The following PCDHGB6 variants were observed in gnomAD, a reference collection of about 807,000 sequenced individuals.
The protein encoded by PCDHGB6 is protocadherin gamma subfamily B, 6, also known as protocadherin gamma-B6.
PCDHGB6 carries 51 observed loss-of-function variants against 59.1 expected under a neutral mutation model. The observed-to-expected ratio is 0.86, with a 90% CI of 0.69 to 1.09. The LOEUF (loss-of-function observed/expected upper bound fraction) is 1.09. PCDHGB6 is among the 50% of genes least tolerant of loss of function. The pLI, the probability that PCDHGB6 is intolerant of heterozygous loss-of-function variation, is 0.00. For missense variants in PCDHGB6, 1,148 were observed against 1,205.1 expected (o/e 0.95, Z 0.70); for synonymous variants, 466 against 495.1 (o/e 0.94, Z 0.78).
chr5:141,417,230 T>C (rs2096097492), intron 1 of PCDHGB6: 1 of 152,210 alleles, frequency 6.6e-6, no homozygotes, highest in Non-Finnish European at 1.5e-5. Context: ...AAAAAATTTG[T>C]TGCTTATCTT....
At chr5:141,420,887 G>C (rs2096530920) in intron 1 of PCDHGB6, among the ~76,000 whole-genome samples, 1 of 152,204 alleles carries the variant, frequency 6.6e-6, no homozygotes, top group African/African-American at 2.4e-5. Context: ...GTGTATCATC[G>C]TTTTTAAGCT....
Position 141,410,039 on chromosome 5 carries a change from G to A in PCDHGB6, c.1837G>A (p.Glu613Lys), listed in dbSNP as rs1413013254. 1.2e-6 allele frequency: 2 copies of A among 1,613,264 alleles called. No homozygotes were observed. Among genetic ancestry groups the A allele is most frequent in the South Asian group, 1.1e-5 (1 of 91,070 alleles). Residue 613 changes from glutamate to lysine, a missense_variant, in exon 1 of 4, where the codon GAG becomes AAG. Glu to Lys is a moderately conservative substitution (Grantham distance 56, BLOSUM62 1). Around this residue, in one of 5 missense-constraint regions of PCDHGB6, gnomAD observed 549 missense variants for 527.5 expected, o/e 1.04. Coordinates refer to ENST00000520790, the MANE Select transcript of PCDHGB6 (RefSeq NM_018926.3). ...WLSYHVLQAS[E>K]PGLFSLGLRT... ...GTCCTACCACGTGCTGCAGGCCAGT[G>A]AGCCCGGACTCTTCAGCCTGGGGCT...
At position 141,486,622 on chromosome 5, in the gene PCDHGB6, C is replaced by T. The variant is rs1320329216; in HGVS notation, c.2419-8185C>T. On this transcript the variant is annotated intron_variant, in intron 1 of 3. Coordinates refer to ENST00000520790, the MANE Select transcript of PCDHGB6 (RefSeq NM_018926.3). The surrounding 1 kb of genome is among the most constrained non-coding windows in gnomAD (Gnocchi z 5.0). ...GCTCCCTTGCAGCCTCTGACCCAGACTCTGGCTTGAATGCGCTTATCTCCT... is the reference window on the plus strand; with the variant it reads ...GCTCCCTTGCAGCCTCTGACCCAGATTCTGGCTTGAATGCGCTTATCTCCT... 6.2e-7 allele frequency: 1 copy of T among 1,613,574 alleles called. No individual in the cohort carries two copies. The highest frequency in any genetic ancestry group is 8.5e-7 in the Non-Finnish European group (1 of 1,180,042).
In PCDHGB6 at chr5:141,431,616, A is replaced by G. The variant is rs776151297; in HGVS notation, c.2418+20996A>G. 1 of 1,614,250 alleles carries G rather than the reference A, an allele frequency of 6.2e-7. No individual in the cohort carries two copies. Among genetic ancestry groups the G allele is most frequent in the Non-Finnish European group, 8.5e-7 (1 of 1,180,042 alleles). ...AGGTATTCCTTCCGGTATGTGGACG[A>G]CAAGGCGGCCCAAGTTTTCAAACTA... On this transcript the variant is annotated intron_variant, in intron 1 of 3. Transcript: ENST00000520790. This position sits in a 1 kb window ranked among gnomAD's most constrained non-coding sequence, Gnocchi z 4.8.
rs1223986597 is a variant in PCDHGB6, at chr5:141,417,300, A to G, written c.2418+6680A>G. The G allele has an allele frequency of 2.0e-5, 3 of 152,440 alleles. No homozygotes were observed. In the East Asian group the frequency reaches 5.8e-4, roughly 29 times the overall value. The allele number at this position is 152,440 out of a possible 1,614,324, so 9.4% of individuals were successfully genotyped here. ...AAGGAACAAGAATGACTGCCTCTGG[A>G]TGGAGGAATTGGATAGCAATGGGCC... On this transcript the variant is annotated intron_variant, in intron 1 of 3. Coordinates refer to ENST00000520790, the MANE Select transcript of PCDHGB6 (RefSeq NM_018926.3).
intron 1 of PCDHGB6, chr5:141,478,068 A>G (rs560968418): frequency 3.7e-6 from 6 of 1,614,134 alleles, no homozygotes; most frequent in East Asian, 4.5e-5. Flanking sequence ...ATCAAAGACA[A>G]TGGGGAGCCT....
chr5:141,468,463 T>G (rs574151637), intron 1 of PCDHGB6: 6 of 152,282 alleles, frequency 3.9e-5, no homozygotes, highest in African/African-American at 1.4e-4. Flanking sequence ...AGCAAGTTAT[T>G]TCTGAGGAGA....
In PCDHGB6 at chr5:141,490,795, C is replaced by A; in HGVS notation, c.2419-4012C>A. The A allele has an allele frequency of 1.3e-5, 21 of 1,614,036 alleles. No homozygotes were observed. Among genetic ancestry groups the A allele is most frequent in the Non-Finnish European group, 1.8e-5 (21 of 1,179,922 alleles). On this transcript the variant is annotated intron_variant, in intron 1 of 3. Coordinates refer to ENST00000520790, the MANE Select transcript of PCDHGB6 (RefSeq NM_018926.3). This position sits in a 1 kb window ranked among gnomAD's most constrained non-coding sequence, Gnocchi z 5.4. ...CCCAGAGGATGGACGGATCTTTGCC[C>A]AGCGTACCTTTGACTATGAATTGCT...
Position 141,436,047 on chromosome 5 carries a change from T to G in PCDHGB6, c.2418+25427T>G, listed in dbSNP as rs141900903. On this transcript the variant is annotated intron_variant, in intron 1 of 3. Transcript: ENST00000520790. ...ATACTAAATTTGTATTTACATTAGT[T>G]TTCAAATAGAATTTAATAAGTACAG... is the stretch of plus-strand genomic sequence containing the variant. Among the ~76,000 whole-genome samples the G allele has an allele frequency of 1.0e-2, 1,517 of 152,280 alleles. 31 individuals carry two copies. The highest frequency in any genetic ancestry group is 0.034 in the African/African-American group (1,420 of 41,552).
chr5:141,423,957 T>G, intron 1 of PCDHGB6: 1 of 1,183,084 alleles, frequency 8.5e-7, no homozygotes, highest in Non-Finnish European at 1.1e-6. Context: ...TTTAGTATTA[T>G]TTTTCTATTA....
chr5:141,415,322 T>G (rs1226384298), intron 1 of PCDHGB6: 2 of 1,614,104 alleles, frequency 1.2e-6, no homozygotes, highest in South Asian at 2.2e-5. Flanking sequence ...ATCGTGCTGC[T>G]GGCGCACAGG....
At chr5:141,418,095 C>A (rs1246996867) in intron 1 of PCDHGB6, 1 of 1,614,006 alleles carries the variant, frequency 6.2e-7, no homozygotes, top group Middle Eastern at 1.7e-4. Context: ...AGCGTAGACG[C>A]GCAGAGCGGG....
Position 141,409,996 on chromosome 5 carries a change from G to A in PCDHGB6, c.1794G>A (p.Ser598=), listed in dbSNP as rs1561724976. 6.2e-7 allele frequency: 1 copy of A among 1,613,132 alleles called. No homozygotes were observed. The highest frequency in any genetic ancestry group is 8.5e-7 in the Non-Finnish European group (1 of 1,179,780). The change falls in exon 1 of 4, where the codon TCG becomes TCA. Residue 598 remains serine (S), a synonymous_variant. Transcript: ENST00000520790. ...VTKVVAVDAD[S]GHNAWLSYHV... ...AGGTGGTAGCGGTGGACGCCGACTC[G>A]GGACACAACGCCTGGCTGTCCTACC...
At chr5:141,414,446 T>C in intron 1 of PCDHGB6, 1 of 1,613,864 alleles carries the variant, frequency 6.2e-7, no homozygotes, top group Non-Finnish European at 8.5e-7. Flanking sequence ...TCTTACAATA[T>C]CACAGTGACA....
chr5:141,505,342 T>C (rs2099845433), intron 2 of PCDHGB6, 51 bp from the exon 3 acceptor site: 1 of 1,612,738 alleles, frequency 6.2e-7, no homozygotes, highest in African/African-American at 1.3e-5. Flanking sequence ...AGGAGGGGCA[T>C]GAGCTGTGCC....
intron 1 of PCDHGB6, chr5:141,419,646 C>T (rs1433992932): frequency 6.2e-7 from 1 of 1,612,470 alleles, no homozygotes; most frequent in Admixed American, 1.7e-5. Flanking sequence ...GCCGTGGACG[C>T]GGACTCGGGG....
rs1027897777 is a variant in PCDHGB6, at chr5:141,510,812, C to T, written c.2567-135C>T. 151 of 1,531,674 alleles carry T rather than the reference C, an allele frequency of 9.9e-5. 1 individual carries two copies. The highest frequency in any genetic ancestry group is 2.5e-5 in the South Asian group (2 of 80,152). 94.9% of individuals were successfully genotyped at this position (1,531,674 alleles called of 1,614,324 possible). A position where few individuals can be genotyped will look rare whatever the true frequency, so the allele number is the denominator to read the frequency against. On this transcript the variant is annotated intron_variant, in intron 3 of 3. Coordinates refer to ENST00000520790, the MANE Select transcript of PCDHGB6 (RefSeq NM_018926.3). ...TGTGAAGAGAGACTACCTTGGTGAC[C>T]CCTATATTCCCAGTGCTCAGCGTGG...
intron 1 of PCDHGB6, chr5:141,422,545 T>C: frequency 6.2e-7 from 1 of 1,614,000 alleles, no homozygotes; most frequent in Non-Finnish European, 8.5e-7. Context: ...AACTCATGTC[T>C]GGCTGAATGT....
At chr5:141,471,963 T>C (rs2024084) in intron 1 of PCDHGB6, among the ~76,000 whole-genome samples, 27,680 of 152,068 alleles carry the variant, frequency 0.18, 3,629 homozygotes, top group African/African-American at 0.37. Context: ...GTGGGGTTGG[T>C]TGCATTACTG....
Sources: allele counts gnomAD v4.1 joint callset (sites outside exome capture counted in the v4.1 genomes callset), GRCh38; gene constraint gnomAD v4.1.1; regional missense constraint gnomAD v4.1.1; non-coding constraint Gnocchi (gnomAD v3.1); transcripts MANE v1.5; gene names NCBI Gene and HGNC (gene_info 2026-07-23, HGNC 2026-07-21).